The following ERICH1 variants were observed in gnomAD, a reference collection of about 807,000 sequenced individuals.
ERICH1 encodes the protein glutamate rich 1, also known as glutamate-rich protein 1.
A neutral mutation model predicts 39.6 loss-of-function variants in ERICH1; 56 were observed. The observed-to-expected ratio is 1.41, with a 90% CI of 1.14 to 1.77. The LOEUF (loss-of-function observed/expected upper bound fraction) is 1.77. ERICH1 is among the 40% of genes most tolerant of loss of function. ERICH1 has a pLI of 0.00. For synonymous variants in ERICH1, 313 were observed against 223.6 expected (o/e 1.40, Z -3.57); for missense variants, 826 against 575.4 (o/e 1.44, Z -4.45).
At chr8:629,711 G>C (rs1286068189) in intron 3 of ERICH1, among the ~76,000 whole-genome samples, 22 of 142,872 alleles carry the variant, frequency 1.5e-4, no homozygotes, top group African/African-American at 4.4e-4. Flanking sequence ...CACCCACACA[G>C]ACAGAGCTGA....
At chr8:678,584 C>T (rs546802935) in intron 3 of ERICH1, among the ~76,000 whole-genome samples, 263 of 152,212 alleles carry the variant, frequency 1.7e-3, no homozygotes, top group African/African-American at 6.0e-3. Context: ...CCGAGGCGGG[C>T]GGATCACGAG....
chr8:626,598 C>G (rs1226948364), intron 3 of ERICH1: 1 of 156,796 alleles, frequency 6.4e-6, no homozygotes, highest in Non-Finnish European at 1.4e-5. Context: ...AAGTGATGCT[C>G]TGCCGGGGAA....
chr8:627,308 C>T (rs1797646824), intron 3 of ERICH1: 3 of 430,232 alleles, frequency 7.0e-6, no homozygotes, highest in South Asian at 3.2e-5. Context: ...CAGGGGCTGG[C>T]AGACGAAGGG....
At chr8:651,436 A>G (rs540033343) in intron 3 of ERICH1, among the ~76,000 whole-genome samples, 62 of 152,344 alleles carry the variant, frequency 4.1e-4, no homozygotes, top group Admixed American at 1.7e-3. Flanking sequence ...AGTTTCCGGT[A>G]AGCCTGGGGC....
intron 3 of ERICH1, among the ~76,000 whole-genome samples, chr8:627,825 G>A (rs998589491): frequency 9.2e-5 from 14 of 152,224 alleles, no homozygotes; most frequent in African/African-American, 2.4e-4. Flanking sequence ...GAGCCAGCAA[G>A]GGTCTGACAG....
intron 4 of ERICH1, 38 bp downstream of exon 4, chr8:673,251 G>A (rs1485158555): frequency 6.5e-7 from 1 of 1,544,930 alleles, no homozygotes; most frequent in Admixed American, 2.0e-5. Flanking sequence ...CTTTTAAGTG[G>A]ATGTCACTAT....
At chr8:721,970 A>G (rs1287484882) in intron 1 of ERICH1, among the ~76,000 whole-genome samples, 1 of 152,332 alleles carries the variant, frequency 6.6e-6, no homozygotes, top group East Asian at 1.9e-4. Flanking sequence ...GGAACCCACA[A>G]AAACAGAGCT....
At chr8:625,093 G>A (rs530846092) in intron 3 of ERICH1, among the ~76,000 whole-genome samples, 4 of 152,214 alleles carry the variant, frequency 2.6e-5, no homozygotes, top group African/African-American at 4.8e-5. Context: ...TGGATTCCAC[G>A]CCCATGATCC....
chr8:652,661 T>C (rs1481139755), intron 3 of ERICH1, among the ~76,000 whole-genome samples: 1 of 152,236 alleles, frequency 6.6e-6, no homozygotes, highest in Non-Finnish European at 1.5e-5. Context: ...CAGGGTGTCT[T>C]CATTCCTAGG....
chr8:656,950 A>C (rs1432815262), intron 3 of ERICH1: 1 of 686,072 alleles, frequency 1.5e-6, no homozygotes, highest in Non-Finnish European at 1.8e-6. Context: ...AATGCATTTT[A>C]GTGCAAAATA....
chr8:673,290 G>T lies in ERICH1; in HGVS notation c.1062C>A (p.Asp354Glu). ...LKSTQEMYFYDGVSRDAASAA... is the reference protein window; with the variant it reads ...LKSTQEMYFYEGVSRDAASAA... ...AGAGAAAAACAGTAAAAAACATACC[G>T]TCATAAAAATACATTTCCTGTGTTG... Residue 354 changes from aspartate to glutamate, a missense_variant and splice_region_variant, in exon 4 of 6, where the codon GAC becomes GAA. Asp to Glu is a conservative substitution (Grantham distance 45). Transcript: ENST00000262109. 1 of 1,598,294 alleles carries T rather than the reference G, an allele frequency of 6.3e-7. No individual in the cohort carries two copies. The highest frequency in any genetic ancestry group is 2.2e-5 in the East Asian group (1 of 44,546).
chr8:620,073 G>A (rs1447478011), intron 3 of ERICH1, among the ~76,000 whole-genome samples: 1 of 152,194 alleles, frequency 6.6e-6, no homozygotes, highest in Admixed American at 6.5e-5. Context: ...CAGCACTTTG[G>A]GAGGCCAAGG....
chr8:727,195 TAC>T lies in ERICH1; in HGVS notation c.22+3943_22+3944del, dbSNP rs766873492. On this transcript the variant is annotated intron_variant, in intron 1 of 5. Transcript: ENST00000262109. ...CACCAGACACGTGTGCACAAAGGCA[TAC>T]ACAGACACGTGCACACATAGGAACA... Among the ~76,000 whole-genome samples the T allele has an allele frequency of 3.2e-4, 49 of 151,846 alleles. 1 individual carries two copies. Among genetic ancestry groups the T allele is most frequent in the East Asian group, 1.9e-4 (1 of 5,156 alleles).
chr8:728,483 T>C (rs1819307590), intron 1 of ERICH1, among the ~76,000 whole-genome samples: 1 of 152,146 alleles, frequency 6.6e-6, no homozygotes, highest in African/African-American at 2.4e-5. Flanking sequence ...CCCTGGGAGA[T>C]CTGTGACACT....
intron 3 of ERICH1, among the ~76,000 whole-genome samples, chr8:623,413 G>C (rs1018321223): frequency 6.6e-6 from 1 of 152,168 alleles, no homozygotes; most frequent in Admixed American, 6.5e-5. Flanking sequence ...TATGTTTATG[G>C]TCAATTGATT....
intron 1 of ERICH1, among the ~76,000 whole-genome samples, chr8:716,435 G>C (rs970355841): frequency 6.6e-6 from 1 of 152,250 alleles, no homozygotes; most frequent in Admixed American, 6.5e-5. Context: ...TGAGTGAATG[G>C]AGCAGGTCTG....
intron 2 of ERICH1, among the ~76,000 whole-genome samples, chr8:708,417 T>C (rs1813796994): frequency 6.6e-6 from 1 of 152,150 alleles, no homozygotes; most frequent in Admixed American, 6.5e-5. Context: ...AACTGATGAA[T>C]GGAGAAACAA....
At chr8:652,094 C>T (rs955343919) in intron 3 of ERICH1, among the ~76,000 whole-genome samples, 2 of 152,156 alleles carry the variant, frequency 1.3e-5, no homozygotes, top group Non-Finnish European at 2.9e-5. Context: ...GGTTTACCAC[C>T]GACGGCTCTG....
chr8:684,058 T>C (rs534832663), intron 3 of ERICH1, among the ~76,000 whole-genome samples: 1 of 152,362 alleles, frequency 6.6e-6, no homozygotes, highest in South Asian at 2.1e-4. Context: ...GTAGTTAGTG[T>C]CTCACCATAA....
Sources: gnomAD v4.1 joint callset for allele counts (sites outside exome capture counted in the v4.1 genomes callset) on GRCh38, gnomAD v4.1.1 for gene constraint, MANE v1.5 for transcripts, NCBI Gene and HGNC (gene_info 2026-07-23, HGNC 2026-07-21) for gene names.